Variants in CDK14 observed in about 807,000 individuals in gnomAD.
The protein encoded by CDK14 is cyclin-dependent kinase 14.
Under a neutral mutation model 60.7 loss-of-function variants are expected in CDK14, and 34 were observed. That is an observed-to-expected ratio of 0.56 (90% confidence interval 0.43 to 0.75). CDK14 has a LOEUF of 0.75. Among genes scored for constraint, CDK14 ranks in the 30% least tolerant of loss-of-function variants. The probability of loss-of-function intolerance (pLI) is 0.00; values close to 1 mark genes in which losing one functional copy is unlikely to be tolerated. For synonymous variants in CDK14, 197 were observed against 203.7 expected (o/e 0.97, Z 0.28); for missense variants, 482 against 564.1 (o/e 0.85, Z 1.47).
At chr7:90,781,977 A>C (rs1487742346) in intron 4 of CDK14, among the ~76,000 whole-genome samples, 9 of 152,096 alleles carry the variant, frequency 5.9e-5, no homozygotes, top group Non-Finnish European at 1.3e-4. Flanking sequence ...GCTTGATGGG[A>C]ATGGTATTGA....
chr7:91,080,182 A>C (rs1159077812), intron 12 of CDK14, among the ~76,000 whole-genome samples: 1 of 152,224 alleles, frequency 6.6e-6, no homozygotes, highest in East Asian at 1.9e-4. Flanking sequence ...GGTTTGATTA[A>C]ATAAACTGTA....
chr7:90,596,758 C>G, intron 1 of CDK14, 40 bp downstream of exon 1: 1 of 1,529,362 alleles, frequency 6.5e-7, no homozygotes, highest in Non-Finnish European at 9.0e-7. Flanking sequence ...AGCGCCCGCT[C>G]CCCTCGGCCT....
chr7:90,814,662 A>G (rs1789277640), intron 5 of CDK14, among the ~76,000 whole-genome samples: 1 of 152,146 alleles, frequency 6.6e-6, no homozygotes, highest in Non-Finnish European at 1.5e-5. Flanking sequence ...CACACCTGTA[A>G]TCGCAGCTAC....
At chr7:91,137,266 TG>T (rs1800307326) in intron 14 of CDK14, among the ~76,000 whole-genome samples, 1 of 152,144 alleles carries the variant, frequency 6.6e-6, no homozygotes, top group Admixed American at 6.6e-5. Flanking sequence ...ATGTCTGAAT[TG>T]GGGGGACCTG....
chr7:91,161,296 T>C (rs1278678489), intron 14 of CDK14, among the ~76,000 whole-genome samples: 1 of 152,160 alleles, frequency 6.6e-6, no homozygotes, highest in Non-Finnish European at 1.5e-5. Context: ...CATGCTATGA[T>C]GGCAACACGG....
intron 8 of CDK14, among the ~76,000 whole-genome samples, chr7:90,930,675 A>G (rs1793566213): frequency 6.6e-6 from 1 of 152,054 alleles, no homozygotes; most frequent in Non-Finnish European, 1.5e-5. Flanking sequence ...AGCACTTGAC[A>G]TTAGATTGCT....
intron 14 of CDK14, among the ~76,000 whole-genome samples, chr7:91,171,066 C>T (rs570000709): frequency 8.5e-5 from 13 of 152,088 alleles, no homozygotes; most frequent in African/African-American, 1.9e-4. Context: ...CTGGCTTTTC[C>T]GGGCTGGGTG....
chr7:91,145,753 C>T (rs1283716688), intron 14 of CDK14, among the ~76,000 whole-genome samples: 5 of 152,128 alleles, frequency 3.3e-5, no homozygotes, highest in Non-Finnish European at 5.9e-5. Context: ...TCCTTATTAA[C>T]TTGTTATGTA....
intron 9 of CDK14, among the ~76,000 whole-genome samples, chr7:90,960,469 C>T (rs371317668): frequency 2.6e-5 from 4 of 152,080 alleles, no homozygotes; most frequent in East Asian, 3.8e-4. Context: ...TTAAATCATC[C>T]GTTTCTCTAT....
intron 2 of CDK14, chr7:90,709,268 A>G: frequency 2.1e-6 from 1 of 485,620 alleles, no homozygotes; most frequent in Non-Finnish European, 3.4e-6. Flanking sequence ...CAGCTTTTGC[A>G]GCATGCATGA....
chr7:91,130,337 G>T (rs1369272621), intron 14 of CDK14, among the ~76,000 whole-genome samples: 1 of 152,062 alleles, frequency 6.6e-6, no homozygotes, highest in African/African-American at 2.4e-5. Context: ...ATGTTAACAT[G>T]TAATGAGTTC....
intron 13 of CDK14, among the ~76,000 whole-genome samples, chr7:91,116,496 A>G (rs555309776): frequency 1.2e-4 from 19 of 152,218 alleles, no homozygotes; most frequent in Non-Finnish European, 5.9e-5. Context: ...GAGTTTGTCG[A>G]TTTTCCCACA....
At chr7:91,029,608 C>CCT (rs1796697995) in intron 10 of CDK14, among the ~76,000 whole-genome samples, 1 of 70,224 alleles carries the variant, frequency 1.4e-5, no homozygotes, top group Admixed American at 1.5e-4. Context: ...CCTCTCCTCT[C>CCT]CTCCGCTCCC....
intron 4 of CDK14, among the ~76,000 whole-genome samples, chr7:90,760,836 C>T (rs1411760256): frequency 6.6e-6 from 1 of 152,222 alleles, no homozygotes; most frequent in African/African-American, 2.4e-5. Flanking sequence ...TGTGTTCCTT[C>T]AGATCTGTGT....
intron 2 of CDK14, among the ~76,000 whole-genome samples, chr7:90,611,707 G>C (rs1465107902): frequency 4.6e-5 from 7 of 152,040 alleles, no homozygotes. Flanking sequence ...CAAATTTGCC[G>C]ATCCCCTGCT....
intron 10 of CDK14, among the ~76,000 whole-genome samples, chr7:91,045,107 A>T (rs1797196104): frequency 6.6e-6 from 1 of 152,082 alleles, no homozygotes; most frequent in East Asian, 1.9e-4. Context: ...TGGCCTCTTA[A>T]CCCTGAATCT....
chr7:90,976,797 CTTTCACTCTGTTGATTG>C (rs1795086086), intron 9 of CDK14, among the ~76,000 whole-genome samples: 1 of 152,012 alleles, frequency 6.6e-6, no homozygotes. Flanking sequence ...GTGGGTTGTT[CTTTCACTCTGTTGATTG>C]TTTCACTCTG....
chr7:90,650,326 T>G (rs1427308212), intron 2 of CDK14, among the ~76,000 whole-genome samples: 2 of 152,200 alleles, frequency 1.3e-5, no homozygotes, highest in Non-Finnish European at 2.9e-5. Flanking sequence ...TCTTGTAAAT[T>G]TGTTTAAGTT....
intron 3 of CDK14, among the ~76,000 whole-genome samples, chr7:90,744,503 C>T (rs1338164610): frequency 6.6e-6 from 1 of 152,266 alleles, no homozygotes; most frequent in South Asian, 2.1e-4. Context: ...GTCATCATGG[C>T]CCGTTCTCAA....
Sources: gnomAD v4.1 joint callset for allele counts (sites outside exome capture counted in the v4.1 genomes callset) on GRCh38, gnomAD v4.1.1 for gene constraint, MANE v1.5 for transcripts, NCBI Gene and HGNC (gene_info 2026-07-23, HGNC 2026-07-21) for gene names.